KDM4C: variants seen among roughly 807,000 people sequenced by gnomAD.
The protein encoded by KDM4C is lysine-specific demethylase 4C.
Under a neutral mutation model 129.3 loss-of-function variants are expected in KDM4C, and 81 were observed. The observed-to-expected ratio is 0.63, with a 90% CI of 0.52 to 0.75. KDM4C has a LOEUF of 0.75. Ranked by LOEUF, KDM4C falls within the 30% of genes least tolerant of loss-of-function variation. The probability of loss-of-function intolerance (pLI) is 0.00; values close to 1 mark genes in which losing one functional copy is unlikely to be tolerated. For synonymous variants in KDM4C, 573 were observed against 456.1 expected, an observed-to-expected ratio of 1.26 and a Z score of -3.26; for missense variants, 1,457 against 1,304.0, an observed-to-expected ratio of 1.12 and a Z score of -1.81.
chr9:7,058,374 C>A (rs4742295), intron 17 of KDM4C, among the ~76,000 whole-genome samples: 15,590 of 152,190 alleles, frequency 0.1, 1,417 homozygotes, highest in African/African-American at 0.24. Flanking sequence ...AGCAGCTCTC[C>A]TAGGAAAGGG....
At chr9:6,954,314 G>A (rs974448690) in intron 8 of KDM4C, among the ~76,000 whole-genome samples, 1 of 152,102 alleles carries the variant, frequency 6.6e-6, no homozygotes, top group African/African-American at 2.4e-5. Context: ...TTCATAGTAT[G>A]TTTGTTTTTA....
intron 13 of KDM4C, among the ~76,000 whole-genome samples, chr9:7,012,662 C>T (rs1470541100): frequency 6.6e-6 from 1 of 152,096 alleles, no homozygotes; most frequent in Non-Finnish European, 1.5e-5. Context: ...CAGCGTCATT[C>T]CATAGATATT....
chr9:7,107,176 G>T (rs1423793172), intron 18 of KDM4C, among the ~76,000 whole-genome samples: 1 of 152,186 alleles, frequency 6.6e-6, no homozygotes, highest in Non-Finnish European at 1.5e-5. Flanking sequence ...TCACCACCCT[G>T]TGCCATGATT....
chr9:7,026,112 A>T (rs1415502621), intron 15 of KDM4C, among the ~76,000 whole-genome samples: 1 of 151,928 alleles, frequency 6.6e-6, no homozygotes, highest in African/African-American at 2.4e-5. Flanking sequence ...AGGCTGAGGC[A>T]GGAGATCGCT....
chr9:6,863,706 A>C (rs908584991), intron 5 of KDM4C, among the ~76,000 whole-genome samples: 3 of 151,388 alleles, frequency 2.0e-5, no homozygotes, highest in Non-Finnish European at 2.9e-5. Flanking sequence ...GAGGCAGGAG[A>C]ATGGCGTGAA....
intron 8 of KDM4C, among the ~76,000 whole-genome samples, chr9:6,944,972 C>T (rs1250695537): frequency 6.6e-6 from 1 of 151,998 alleles, no homozygotes. Context: ...GTATAGTGTT[C>T]TTATTTTTGC....
At chr9:7,145,431 TGG>T (rs1181282218) in intron 19 of KDM4C, among the ~76,000 whole-genome samples, 1 of 152,104 alleles carries the variant, frequency 6.6e-6, no homozygotes, top group Non-Finnish European at 1.5e-5. Context: ...GACAGGCTGA[TGG>T]GGGGCGCACT....
chr9:6,848,399 G>A (rs1425278998), intron 4 of KDM4C, among the ~76,000 whole-genome samples: 2 of 152,064 alleles, frequency 1.3e-5, no homozygotes, highest in Non-Finnish European at 2.9e-5. Flanking sequence ...GGGTGTGGTG[G>A]CTCACGCTTG....
chr9:6,822,560 A>G (rs1833205648), intron 4 of KDM4C, among the ~76,000 whole-genome samples: 1 of 152,238 alleles, frequency 6.6e-6, no homozygotes, highest in Non-Finnish European at 1.5e-5. Flanking sequence ...CTTTGGAAAC[A>G]GTACATACAC....
chr9:6,752,601 A>G (rs1451114958), intron 1 of KDM4C, among the ~76,000 whole-genome samples: 2 of 151,336 alleles, frequency 1.3e-5, no homozygotes, highest in East Asian at 2.0e-4. Context: ...GTAGAGACGG[A>G]GTTTCACCAT....
At chr9:6,785,201 A>G (rs1051667317) in intron 1 of KDM4C, among the ~76,000 whole-genome samples, 6 of 152,208 alleles carry the variant, frequency 3.9e-5, no homozygotes, top group African/African-American at 1.2e-4. Flanking sequence ...TTAGGCAGGA[A>G]TCTGCTTACA....
intron 1 of KDM4C, among the ~76,000 whole-genome samples, chr9:6,751,621 A>G (rs889582252): frequency 6.6e-5 from 10 of 152,190 alleles, no homozygotes; most frequent in Admixed American, 3.3e-4. Context: ...AACTATATTA[A>G]CATTAGTTCA....
At chr9:6,769,694 A>G (rs2130590179) in intron 1 of KDM4C, among the ~76,000 whole-genome samples, 1 of 152,292 alleles carries the variant, frequency 6.6e-6, no homozygotes, top group African/African-American at 2.4e-5. Flanking sequence ...AGATCTCAAT[A>G]TCATGCTACT....
chr9:7,142,286 T>C (rs935392981), intron 19 of KDM4C, among the ~76,000 whole-genome samples: 2 of 152,206 alleles, frequency 1.3e-5, no homozygotes, highest in African/African-American at 4.8e-5. Flanking sequence ...TCCCCCTGTT[T>C]CCTTTTTAAA....
intron 1 of KDM4C, among the ~76,000 whole-genome samples, chr9:6,741,736 CT>C (rs1468865217): frequency 8.3e-5 from 3 of 36,244 alleles, no homozygotes; most frequent in Non-Finnish European, 1.8e-4. Flanking sequence ...TTTTTTTTTA[CT>C]TTTTAAAAAT....
At chr9:6,848,558 G>C (rs528487079) in intron 4 of KDM4C, among the ~76,000 whole-genome samples, 231 of 152,178 alleles carry the variant, frequency 1.5e-3, no homozygotes, top group African/African-American at 5.3e-3. Flanking sequence ...AGGTCCAGCT[G>C]TGTGGAAGGC....
intron 1 of KDM4C, among the ~76,000 whole-genome samples, chr9:6,733,711 G>C (rs985554993): frequency 2.0e-5 from 3 of 152,214 alleles, no homozygotes; most frequent in Admixed American, 6.5e-5. Flanking sequence ...AGTTTGTTAA[G>C]AAAGTAAAGG....
chr9:6,772,895 C>G lies in KDM4C; in HGVS notation c.-18+14692C>G, dbSNP rs998290559. 1.1e-4 allele frequency among the ~76,000 whole-genome samples: 16 copies of G among 149,656 alleles called. No homozygotes were observed. The East Asian group carries it at 3.2e-3, about 30-fold the overall frequency. On this transcript the variant is annotated intron_variant, in intron 1 of 21. Coordinates refer to ENST00000381309, the MANE Select transcript of KDM4C (RefSeq NM_015061.6). ...ATTTTTAGTAGAGATGGGGTTTCAC[C>G]ATGTTGGCCAGGCTGGTCCCGAACT...
chr9:7,016,939 T>C (rs1023803921), intron 15 of KDM4C, among the ~76,000 whole-genome samples: 1 of 152,178 alleles, frequency 6.6e-6, no homozygotes, highest in African/African-American at 2.4e-5. Context: ...ATCCAGTGTT[T>C]ATTTTTCTCT....
Sources: allele counts gnomAD v4.1 joint callset (sites outside exome capture counted in the v4.1 genomes callset), GRCh38; gene constraint gnomAD v4.1.1; transcripts MANE v1.5; gene names NCBI Gene and HGNC (gene_info 2026-07-23, HGNC 2026-07-21).